The following ARHGAP42 variants were observed in gnomAD, a reference collection of about 807,000 sequenced individuals.
ARHGAP42 encodes Rho GTPase activating protein 42, also known as rho GTPase-activating protein 42.
In ARHGAP42, 63 loss-of-function variants were observed where a neutral mutation model predicts 125.0. The ratio of observed to expected loss-of-function variants is 0.50; its 90% CI spans 0.41 to 0.62. The LOEUF (loss-of-function observed/expected upper bound fraction) is 0.62, where lower values mean the gene tolerates loss of function less well. ARHGAP42 is among the 20% of genes least tolerant of loss of function. The pLI, the probability that ARHGAP42 is intolerant of heterozygous loss-of-function variation, is 0.00. For missense variants in ARHGAP42, 766 were observed against 1,024.2 expected, an observed-to-expected ratio of 0.75 and a Z score of 3.44; for synonymous variants, 339 against 351.0, an observed-to-expected ratio of 0.97 and a Z score of 0.38.
intron 5 of ARHGAP42, among the ~76,000 whole-genome samples, chr11:100,914,242 G>A (rs1867005419): frequency 6.6e-6 from 1 of 152,054 alleles, no homozygotes; most frequent in Non-Finnish European, 1.5e-5. Context: ...ACCGCTACAT[G>A]TTTTAAAATC....
intron 12 of ARHGAP42, among the ~76,000 whole-genome samples, chr11:100,958,010 A>G (rs617898): frequency 0.88 from 133,964 of 151,778 alleles, 59,210 homozygotes; most frequent in East Asian, 1. Context: ...TTAGTGAAAA[A>G]TAGAACAATG....
chr11:100,973,581 C>A (rs1023843194), intron 18 of ARHGAP42, among the ~76,000 whole-genome samples: 2 of 152,258 alleles, frequency 1.3e-5, no homozygotes, highest in Middle Eastern at 3.4e-3. Flanking sequence ...TGCTCCTGTG[C>A]AGAGAACATT....
At chr11:100,725,803 C>T (rs948236540) in intron 1 of ARHGAP42, among the ~76,000 whole-genome samples, 46 of 151,588 alleles carry the variant, frequency 3.0e-4, no homozygotes, top group South Asian at 1.7e-3. Context: ...GGCATGGTGG[C>T]GGGCGCCTGT....
intron 1 of ARHGAP42, among the ~76,000 whole-genome samples, chr11:100,721,600 G>A (rs1247968848): frequency 6.6e-6 from 1 of 151,836 alleles, no homozygotes; most frequent in African/African-American, 2.4e-5. Context: ...AGCCTCTTGA[G>A]TAGCTGGGAT....
At chr11:100,846,072 A>G (rs1865059838) in intron 3 of ARHGAP42, among the ~76,000 whole-genome samples, 1 of 152,222 alleles carries the variant, frequency 6.6e-6, no homozygotes, top group African/African-American at 2.4e-5. Flanking sequence ...ACTAGAGTTT[A>G]CAAAGAAACA....
intron 1 of ARHGAP42, among the ~76,000 whole-genome samples, chr11:100,765,348 G>A (rs1862804866): frequency 6.8e-6 from 1 of 147,624 alleles, no homozygotes; most frequent in Admixed American, 6.8e-5. Flanking sequence ...TAAGGTCTAT[G>A]GGCAAAGCAG....
At chr11:100,734,883 C>CT (rs1416838340) in intron 1 of ARHGAP42, among the ~76,000 whole-genome samples, 1 of 152,078 alleles carries the variant, frequency 6.6e-6, no homozygotes, top group African/African-American at 2.4e-5. Flanking sequence ...GATGGAACAC[C>CT]TTTCATTTAA....
intron 1 of ARHGAP42, among the ~76,000 whole-genome samples, chr11:100,718,572 C>T (rs936016853): frequency 4.6e-5 from 7 of 151,984 alleles, no homozygotes; most frequent in African/African-American, 1.2e-4. Context: ...AAACACACCA[C>T]GAATAGAAAA....
intron 17 of ARHGAP42, among the ~76,000 whole-genome samples, chr11:100,972,151 T>C (rs892258853): frequency 6.6e-6 from 1 of 152,200 alleles, no homozygotes; most frequent in African/African-American, 2.4e-5. Context: ...TCTAAAATCC[T>C]GGATTTCCCA....
intron 22 of ARHGAP42, among the ~76,000 whole-genome samples, chr11:100,986,630 G>A (rs992643538): frequency 6.6e-6 from 1 of 152,146 alleles, no homozygotes; most frequent in East Asian, 1.9e-4. Flanking sequence ...AGCCAACCAG[G>A]TTGGAAATGC....
At chr11:100,712,812 G>T (rs1861587521) in intron 1 of ARHGAP42, among the ~76,000 whole-genome samples, 1 of 152,050 alleles carries the variant, frequency 6.6e-6, no homozygotes, top group African/African-American at 2.4e-5. Flanking sequence ...TTCAATCCAT[G>T]AACAGTACTC....
intron 2 of ARHGAP42, among the ~76,000 whole-genome samples, chr11:100,792,721 T>C (rs1863593395): frequency 6.6e-6 from 1 of 151,730 alleles, no homozygotes; most frequent in Admixed American, 6.6e-5. Flanking sequence ...AATGTTGTTT[T>C]CCCAGGAATT....
At chr11:100,758,576 A>G (rs889522975) in intron 1 of ARHGAP42, among the ~76,000 whole-genome samples, 4 of 152,174 alleles carry the variant, frequency 2.6e-5, no homozygotes, top group Non-Finnish European at 2.9e-5. Flanking sequence ...TTAGGTCCAG[A>G]GAAATAGGCT....
At chr11:100,918,070 T>C (rs1299655920) in intron 5 of ARHGAP42, among the ~76,000 whole-genome samples, 1 of 152,170 alleles carries the variant, frequency 6.6e-6, no homozygotes, top group Non-Finnish European at 1.5e-5. Flanking sequence ...ATCTTGAATG[T>C]TGCTTGTTTC....
At chr11:100,951,874 T>A (rs1221542063) in intron 12 of ARHGAP42, among the ~76,000 whole-genome samples, 2 of 152,140 alleles carry the variant, frequency 1.3e-5, no homozygotes, top group African/African-American at 2.4e-5. Flanking sequence ...TCCTACCCAG[T>A]ACTCTGAGCT....
At chr11:100,803,473 G>T (rs922767743) in intron 3 of ARHGAP42, among the ~76,000 whole-genome samples, 1 of 152,136 alleles carries the variant, frequency 6.6e-6, no homozygotes, top group African/African-American at 2.4e-5. Flanking sequence ...GATCAGATGT[G>T]GTAGAATCAA....
intron 1 of ARHGAP42, among the ~76,000 whole-genome samples, chr11:100,706,497 C>G (rs1347765465): frequency 6.6e-6 from 1 of 152,094 alleles, no homozygotes; most frequent in African/African-American, 2.4e-5. Context: ...GTTATGTAGA[C>G]TTACCAGAAA....
chr11:100,966,341 T>C (rs1216609711), intron 17 of ARHGAP42, among the ~76,000 whole-genome samples: 1 of 152,082 alleles, frequency 6.6e-6, no homozygotes, highest in Admixed American at 6.6e-5. Context: ...ATATATTTAA[T>C]ATATATATAA....
chr11:100,882,499 AT>A (rs34517485), intron 4 of ARHGAP42, among the ~76,000 whole-genome samples: 2,079 of 141,410 alleles, frequency 0.015, 12 homozygotes, highest in Middle Eastern at 0.023. Flanking sequence ...GTTAGCCAGT[AT>A]TTTTTTTTTT....
Sources: gnomAD v4.1 joint callset for allele counts (sites outside exome capture counted in the v4.1 genomes callset) on GRCh38, gnomAD v4.1.1 for gene constraint, MANE v1.5 for transcripts, NCBI Gene and HGNC (gene_info 2026-07-23, HGNC 2026-07-21) for gene names.